The following C7orf57 variants were observed in gnomAD, a reference collection of about 807,000 sequenced individuals.
C7orf57 encodes uncharacterized protein C7orf57.
Under a neutral mutation model 39.0 loss-of-function variants are expected in C7orf57, and 33 were observed. The observed-to-expected ratio is 0.85, with a 90% CI of 0.64 to 1.13. C7orf57 has a LOEUF of 1.13. Ranked by LOEUF, C7orf57 falls within the 50% of genes most tolerant of loss-of-function variation. The pLI, the probability that C7orf57 is intolerant of heterozygous loss-of-function variation, is 0.00. For missense variants in C7orf57, 346 were observed against 362.3 expected (o/e 0.95, Z 0.37); for synonymous variants, 124 against 137.1 (o/e 0.90, Z 0.67).
At chr7:48,050,080 T>C (rs941003774) in intron 6 of C7orf57, 103 bp downstream of exon 6, 24 of 770,786 alleles carry the variant, frequency 3.1e-5, no homozygotes, top group Non-Finnish European at 5.2e-5. Flanking sequence ...CCACACAACT[T>C]CCCGAAGCCC....
intron 7 of C7orf57, among the ~76,000 whole-genome samples, chr7:48,053,615 C>G (rs371856679): frequency 8.6e-5 from 13 of 152,012 alleles, no homozygotes; most frequent in African/African-American, 2.7e-4. Flanking sequence ...TTACACCCAG[C>G]TATTTTTTTA....
chr7:48,036,182 C>G (rs1790351105), intron 1 of C7orf57, 26 bp from the exon 2 acceptor site: 1 of 954,702 alleles, frequency 1.0e-6, no homozygotes, highest in South Asian at 1.4e-5. Context: ...CGACCCAGAG[C>G]GGGCGCGCGG....
At chr7:48,045,784 A>G (rs1642777869) in intron 4 of C7orf57, among the ~76,000 whole-genome samples, 1 of 152,128 alleles carries the variant, frequency 6.6e-6, no homozygotes, top group Non-Finnish European at 1.5e-5. Context: ...CAGGGATCTG[A>G]AGGCTGAAGC....
At chr7:48,043,327 G>A (rs1373561533) in intron 3 of C7orf57, among the ~76,000 whole-genome samples, 154 bp from the exon 4 acceptor site, 1 of 152,210 alleles carries the variant, frequency 6.6e-6, no homozygotes, top group Non-Finnish European at 1.5e-5. Flanking sequence ...ACAGACAGGT[G>A]AGGATCAGGG....
chr7:48,035,744 C>A lies in C7orf57; in HGVS notation c.-102+114C>A. 1.7e-6 allele frequency: 1 copy of A among 583,038 alleles called. No homozygotes were observed. The highest frequency in any genetic ancestry group is 3.0e-6 in the Non-Finnish European group (1 of 329,314). The allele number at this position is 583,038 out of a possible 1,614,324, so 36.1% of individuals were successfully genotyped here. Reference sequence around the variant, plus strand: ...CGCGCCGGGGCTGGAGGGAGGGGACCACCTTGTCGCCGGGTTGGGATGAGC... The same window carrying A: ...CGCGCCGGGGCTGGAGGGAGGGGACAACCTTGTCGCCGGGTTGGGATGAGC... On this transcript the variant is annotated intron_variant, in intron 1 of 8. Coordinates refer to ENST00000348904, the MANE Select transcript of C7orf57 (RefSeq NM_001100159.3). This position sits in a 1 kb window ranked among gnomAD's most constrained non-coding sequence, Gnocchi z 4.0.
At chr7:48,046,721 C>A in intron 5 of C7orf57, 105 bp downstream of exon 5, 2 of 1,276,436 alleles carry the variant, frequency 1.6e-6, no homozygotes, top group Non-Finnish European at 2.1e-6. Flanking sequence ...TTATGTTGCT[C>A]GTGGCATCGG....
chr7:48,038,752 T>C (rs1199475703), intron 2 of C7orf57, among the ~76,000 whole-genome samples: 2 of 152,150 alleles, frequency 1.3e-5, no homozygotes, highest in Non-Finnish European at 1.5e-5. Context: ...AGTCACAGCA[T>C]GATTTTATAC....
At chr7:48,043,880 T>TAAGATGGTGGCGGGCTGCTTCC (rs1254328254) in intron 4 of C7orf57, among the ~76,000 whole-genome samples, 1 of 152,008 alleles carries the variant, frequency 6.6e-6, no homozygotes, top group African/African-American at 2.4e-5. Context: ...TTAGAGCTTC[T>TAAGATGGTGGCGGGCTGCTTCC]AAGATGGTGG....
chr7:48,050,511 A>C lies in C7orf57; in HGVS notation c.605+534A>C, dbSNP rs113649726. On this transcript the variant is annotated intron_variant, in intron 6 of 8. Coordinates refer to ENST00000348904, the MANE Select transcript of C7orf57 (RefSeq NM_001100159.3). ...TCTCCCAGAATCCAAGTTTAATGCT[A>C]GGATAAATGTTATTAATTACCTGAC... Among the ~76,000 whole-genome samples, 5 of 152,322 alleles carry C rather than the reference A, an allele frequency of 3.3e-5. 1 individual carries two copies. The highest frequency in any genetic ancestry group is 1.2e-4 in the African/African-American group (5 of 41,568).
chr7:48,058,519 C>CTGTGT (rs1791194982), intron 8 of C7orf57, among the ~76,000 whole-genome samples: 1 of 151,884 alleles, frequency 6.6e-6, no homozygotes, highest in Non-Finnish European at 1.5e-5. Context: ...CTTTGTGGTC[C>CTGTGT]TTTGTGTTTT....
intron 2 of C7orf57, among the ~76,000 whole-genome samples, chr7:48,039,089 A>G (rs1364574842): frequency 1.3e-5 from 2 of 152,224 alleles, no homozygotes; most frequent in African/African-American, 4.8e-5. Context: ...AAAAAGTGTC[A>G]GACTCAGTTA....
At chr7:48,049,161 T>C (rs923820539) in intron 5 of C7orf57, among the ~76,000 whole-genome samples, 13 of 152,192 alleles carry the variant, frequency 8.5e-5, no homozygotes, top group Admixed American at 2.6e-4. Context: ...AAAACTGATA[T>C]ATACTTTTAG....
chr7:48,048,803 T>A (rs909940533), intron 5 of C7orf57, among the ~76,000 whole-genome samples: 55 of 151,740 alleles, frequency 3.6e-4, no homozygotes, highest in African/African-American at 1.3e-3. Flanking sequence ...TTCTGGACAG[T>A]GCAGGAACAT....
At chr7:48,054,645 A>AG (rs1430335559) in intron 8 of C7orf57, 39 bp downstream of exon 8, 5 of 1,528,854 alleles carry the variant, frequency 3.3e-6, no homozygotes. Context: ...AAACACAAAA[A>AG]GTCTTACACA....
chr7:48,050,084 G>T, intron 6 of C7orf57, 107 bp downstream of exon 6: 1 of 755,766 alleles, frequency 1.3e-6, no homozygotes. Flanking sequence ...ACAACTTCCC[G>T]AAGCCCTGTC....
rs781021349 is a variant in C7orf57 at position 48,053,055 on chromosome 7, G to T, written c.829+132G>T. The T allele has an allele frequency of 1.6e-5, 12 of 744,174 alleles. No individual in the cohort carries two copies. The Admixed American group carries it at 2.4e-4, about 15-fold the overall frequency. The allele number at this position is 744,174 out of a possible 1,614,324, so 46.1% of individuals were successfully genotyped here. ...CAAAAACCATGTGAAAACGCCCACA[G>T]AAGTACTAAGGTTACAGATAAGCAA... On this transcript the variant is annotated intron_variant, in intron 7 of 8. Transcript: ENST00000348904.
Position 48,060,240 on chromosome 7 carries a change from G to A in C7orf57, c.856G>A (p.Val286Ile). 3 of 1,539,710 alleles carry A rather than the reference G, an allele frequency of 1.9e-6. No individual in the cohort carries two copies. The highest frequency in any genetic ancestry group is 2.6e-6 in the Non-Finnish European group (3 of 1,138,346). ...PESSQSPEES[V>I]SASTPAELK ...TTGTGTTGCAGGCCCAGAAGAATCT[G>A]TATCTGCATCAACACCAGCAGAGCT... The change falls in exon 9 of 9, where the codon GTA (valine) becomes ATA (isoleucine). Residue 286 changes from valine (V) to isoleucine (I), a missense_variant. Coordinates refer to ENST00000348904, the MANE Select transcript of C7orf57 (RefSeq NM_001100159.3).
At chr7:48,053,987 AG>A (rs1791036781) in intron 7 of C7orf57, among the ~76,000 whole-genome samples, 2 of 152,114 alleles carry the variant, frequency 1.3e-5, no homozygotes, top group African/African-American at 4.8e-5. Context: ...TTTGTAAGTG[AG>A]GTCACCGTTT....
intron 8 of C7orf57, among the ~76,000 whole-genome samples, chr7:48,057,292 T>C (rs1791144056): frequency 6.6e-6 from 1 of 152,162 alleles, no homozygotes; most frequent in South Asian, 2.1e-4. Context: ...TGTGTCTTCT[T>C]CAATTTATTT....
Sources: allele counts gnomAD v4.1 joint callset (sites outside exome capture counted in the v4.1 genomes callset), GRCh38; gene constraint gnomAD v4.1.1; non-coding constraint Gnocchi (gnomAD v3.1); transcripts MANE v1.5; gene names NCBI Gene and HGNC (gene_info 2026-07-23, HGNC 2026-07-21).